Variants in CYP24A1 observed in about 807,000 individuals in gnomAD.
CYP24A1 encodes cytochrome P450 family 24 subfamily A member 1.
CYP24A1 carries 68 observed loss-of-function variants against 62.4 expected under a neutral mutation model. The ratio of observed to expected loss-of-function variants is 1.09; its 90% CI spans 0.90 to 1.33. The LOEUF is 1.33. Ranked by LOEUF, CYP24A1 falls within the 40% of genes most tolerant of loss-of-function variation. CYP24A1 has a pLI of 0.00. For synonymous variants in CYP24A1, 267 were observed against 253.0 expected (o/e 1.06, Z -0.52); for missense variants, 787 against 653.0 (o/e 1.21, Z -2.24).
downstream of CYP24A1, among the ~76,000 whole-genome samples, chr20:54,150,384 A>T (rs1238576938): frequency 1.3e-5 from 2 of 151,656 alleles, no homozygotes; most frequent in African/African-American, 2.4e-5. Context: ...CCCAGGCTGA[A>T]GTGAAGTGGC....
Position 54,157,053 on chromosome 20 carries a change from C to T in CYP24A1, c.*10+116G>A, listed in dbSNP as rs192381168. The T allele has an allele frequency of 4.4e-3, 3,052 of 688,690 alleles. 12 individuals carry two copies. Among genetic ancestry groups the T allele is most frequent in the Non-Finnish European group, 6.0e-3 (2,202 of 369,520 alleles). 42.7% of individuals were successfully genotyped at this position (688,690 alleles called of 1,614,324 possible). On this transcript the variant is annotated intron_variant, in intron 11 of 11. Coordinates refer to ENST00000216862, the MANE Select transcript of CYP24A1 (RefSeq NM_000782.5). ...GTTTAGGGAACTGCTCAAGGTCACC[C>T]AGCAAGTTAGAGGTGAGCTGGGATT...
chr20:54,147,583 C>T, the CYP24A1 span, among the ~76,000 whole-genome samples: 1 of 152,230 alleles, frequency 6.6e-6, no homozygotes, highest in African/African-American at 2.4e-5. Context: ...TCTCATCCCA[C>T]AACTGTTAAA....
At chr20:54,146,661 C>T in the CYP24A1 span, among the ~76,000 whole-genome samples, 1 of 152,210 alleles carries the variant, frequency 6.6e-6, no homozygotes, top group Non-Finnish European at 1.5e-5. Context: ...ATCCTCATCA[C>T]TTTACCTTTC....
rs2092657887 is a variant in CYP24A1, at chr20:54,162,823, T to C, written c.884A>G (p.Gln295Arg). The C allele has an allele frequency of 6.4e-7, 1 of 1,561,202 alleles. No homozygotes were observed. Among genetic ancestry groups the C allele is most frequent in the Non-Finnish European group, 8.8e-7 (1 of 1,131,830 alleles). The change falls in exon 7 of 12, where the codon CAG (glutamine) becomes CGG (arginine). Residue 295 changes from glutamine to arginine, a missense_variant. Transcript: ENST00000216862. Reference sequence around the variant, plus strand: ...ACAAAGGAAATCTGCACTAGGCTGCTGAGAATACTTCTCTAACCGGTTGTC... The same window carrying C: ...ACAAAGGAAATCTGCACTAGGCTGCCGAGAATACTTCTCTAACCGGTTGTC... ...CIDNRLEKYS[Q>R]QPSADFLCDI...
At chr20:54,148,159 G>A in the CYP24A1 span, among the ~76,000 whole-genome samples, 568 of 151,854 alleles carry the variant, frequency 3.7e-3, 3 homozygotes, top group African/African-American at 0.013. Flanking sequence ...TAACCACCTC[G>A]ATACACTGCC....
intron 5 of CYP24A1, among the ~76,000 whole-genome samples, chr20:54,165,319 T>G (rs2092667643): frequency 1.3e-5 from 2 of 152,222 alleles, no homozygotes; most frequent in Admixed American, 6.5e-5. Flanking sequence ...CTTATGAGAA[T>G]CTAATGCCTG....
intron 7 of CYP24A1, 113 bp from the exon 8 acceptor site, chr20:54,159,236 C>A: frequency 1.2e-6 from 1 of 812,624 alleles, no homozygotes; most frequent in Non-Finnish European, 2.1e-6. Flanking sequence ...ATCAGTGAAG[C>A]TCTTTCACGC....
intron 2 of CYP24A1, chr20:54,172,703 G>C: frequency 1.7e-6 from 2 of 1,205,590 alleles, no homozygotes; most frequent in South Asian, 1.6e-5. Flanking sequence ...GCAGGTGCTG[G>C]GTGCACAGCA....
chr20:54,161,123 G>T (rs2092648690), intron 7 of CYP24A1, among the ~76,000 whole-genome samples: 1 of 152,200 alleles, frequency 6.6e-6, no homozygotes. Context: ...CAAGGCTCTG[G>T]CTAACATGGC....
In CYP24A1 at chr20:54,158,123, T is replaced by G; in HGVS notation, c.1199A>C (p.Lys400Thr). ...SVPFTTRTLD[K>T]ATVLGEYALP... Reference sequence around the variant, plus strand: ...AGCATATTCACCCAGAACTGTTGCCTTGTCAAGAGTCCGAGTTGTAAATGG... The same window carrying G: ...AGCATATTCACCCAGAACTGTTGCCGTGTCAAGAGTCCGAGTTGTAAATGG... Residue 400 changes from lysine to threonine, a missense_variant, in exon 9 of 12, where the codon AAG becomes ACG. Lys to Thr is a moderately conservative substitution (Grantham distance 78). Coordinates refer to ENST00000216862, the MANE Select transcript of CYP24A1 (RefSeq NM_000782.5). The G allele has an allele frequency of 6.2e-7, 1 of 1,614,042 alleles. No individual in the cohort carries two copies. The highest frequency in any genetic ancestry group is 8.5e-7 in the Non-Finnish European group (1 of 1,180,010).
intron 3 of CYP24A1, among the ~76,000 whole-genome samples, chr20:54,170,524 C>T (rs754147610): frequency 5.9e-5 from 9 of 151,766 alleles, no homozygotes; most frequent in Non-Finnish European, 8.8e-5. Context: ...TTTAATTTGC[C>T]CGCATAGCGC....
Position 54,162,872 on chromosome 20 carries a change from CAGAGAAGAAAG to C in CYP24A1, c.845-21_845-11del. ...TCGATACAAGCTTTGACTATTAGAG[CAGAGAAGAAAG>C]AGAGGAAGTCAGCTGAAAATTGGGA... On this transcript the variant is annotated splice_polypyrimidine_tract_variant and intron_variant, in intron 6 of 11. Transcript: ENST00000216862. 1 of 1,546,972 alleles carries C rather than the reference CAGAGAAGAAAG, an allele frequency of 6.5e-7. No individual in the cohort carries two copies. Among genetic ancestry groups the C allele is most frequent in the Non-Finnish European group, 8.9e-7 (1 of 1,119,246 alleles).
At chr20:54,150,787 G>A (rs1169180762), downstream of CYP24A1, among the ~76,000 whole-genome samples, 1 of 152,218 alleles carries the variant, frequency 6.6e-6, no homozygotes, top group Non-Finnish European at 1.5e-5. Flanking sequence ...ATGAAGATCA[G>A]AAAATTTGAA....
rs1321891992 is a variant in CYP24A1, at chr20:54,158,121, C to T, written c.1201G>A (p.Ala401Thr). The T allele has an allele frequency of 2.4e-5, 39 of 1,613,886 alleles. No individual in the cohort carries two copies. The highest frequency in any genetic ancestry group is 3.1e-5 in the Non-Finnish European group (37 of 1,180,016). The change falls in exon 9 of 12, where the codon GCA (alanine) becomes ACA (threonine). Residue 401 changes from alanine (A) to threonine (T), a missense_variant. Transcript: ENST00000216862. Reference protein sequence around the residue: ...VPFTTRTLDKATVLGEYALPK... With the variant: ...VPFTTRTLDKTTVLGEYALPK... The stretch of plus-strand genomic sequence containing the variant: ...AAAGCATATTCACCCAGAACTGTTG[C>T]CTTGTCAAGAGTCCGAGTTGTAAAT...
At position 54,157,557 on chromosome 20, in the gene CYP24A1, A is replaced by C. The variant is rs1452922685; in HGVS notation, c.1265T>G (p.Leu422Trp). 2 of 1,598,448 alleles carry C rather than the reference A, an allele frequency of 1.3e-6. No homozygotes were observed. Among genetic ancestry groups the C allele is most frequent in the Non-Finnish European group, 1.7e-6 (2 of 1,165,816 alleles). The change falls in exon 10 of 12, where the codon TTG becomes TGG. Residue 422 changes from leucine to tryptophan, a missense_variant. Coordinates refer to ENST00000216862, the MANE Select transcript of CYP24A1 (RefSeq NM_000782.5). ...TTCAAAATTGTCTTCACTGGATCCCAACACCTGGGTATTTAGCATGAGCAC... is the reference window on the plus strand; with the variant it reads ...TTCAAAATTGTCTTCACTGGATCCCCACACCTGGGTATTTAGCATGAGCAC... ...GTVLMLNTQV[L>W]GSSEDNFEDS...
At chr20:54,148,734 T>C (rs1003312595), downstream of CYP24A1, among the ~76,000 whole-genome samples, 1 of 152,070 alleles carries the variant, frequency 6.6e-6, no homozygotes, top group African/African-American at 2.4e-5. Context: ...AATATCAAAA[T>C]GAATAATGAC....
downstream of CYP24A1, among the ~76,000 whole-genome samples, chr20:54,151,189 C>T (rs772977908): frequency 4.5e-4 from 69 of 152,156 alleles, no homozygotes; most frequent in Non-Finnish European, 4.4e-4. Context: ...TTCCAGGAAA[C>T]AGGTGGGCAA....
In CYP24A1 at chr20:54,173,053, C is replaced by T; in HGVS notation, c.305G>A (p.Gly102Asp). 1 of 1,607,746 alleles carries T rather than the reference C, an allele frequency of 6.2e-7. No homozygotes were observed. The highest frequency in any genetic ancestry group is 8.5e-7 in the Non-Finnish European group (1 of 1,180,000). ...KYGKIFRMKL[G>D]SFESVHLGSP... The stretch of plus-strand genomic sequence containing the variant: ...GCCCAGGTGCACCGACTCAAAGGAA[C>T]CCAACTTCATGCGGAAAATCTTGCC... Residue 102 changes from glycine (G) to aspartate (D), a missense_variant, in exon 2 of 12, where the codon GGT (glycine) becomes GAT (aspartate). By Grantham distance (94) the Gly-to-Asp change is moderately conservative (BLOSUM62 -1). Coordinates refer to ENST00000216862, the MANE Select transcript of CYP24A1 (RefSeq NM_000782.5). This position sits in a 1 kb window ranked among gnomAD's most constrained non-coding sequence, Gnocchi z 7.2.
downstream of CYP24A1, among the ~76,000 whole-genome samples, chr20:54,148,909 A>G (rs1204884126): frequency 2.0e-5 from 3 of 152,218 alleles, no homozygotes; most frequent in African/African-American, 7.2e-5. Flanking sequence ...GATCGAGACC[A>G]TCCTGGCCAA....
Sources: allele counts gnomAD v4.1 joint callset (sites outside exome capture counted in the v4.1 genomes callset), GRCh38; gene constraint gnomAD v4.1.1; non-coding constraint Gnocchi (gnomAD v3.1); transcripts MANE v1.5; gene names NCBI Gene and HGNC (gene_info 2026-07-23, HGNC 2026-07-21).